The following ERC1 variants were observed in gnomAD, a reference collection of about 807,000 sequenced individuals.
ERC1 encodes the protein RAB6 interacting protein 2.
ERC1 carries 56 observed loss-of-function variants against 132.0 expected under a neutral mutation model. The ratio of observed to expected loss-of-function variants is 0.42; its 90% CI spans 0.34 to 0.53. The LOEUF (loss-of-function observed/expected upper bound fraction) is 0.53. ERC1 is among the 20% of genes least tolerant of loss of function. The probability of loss-of-function intolerance (pLI) is 0.03; values close to 1 mark genes in which losing one functional copy is unlikely to be tolerated. For synonymous variants in ERC1, 478 were observed against 476.1 expected (o/e 1.00, Z -0.05); for missense variants, 1,202 against 1,349.9 (o/e 0.89, Z 1.72).
At chr12:1,100,947 G>A (rs183705245) in intron 3 of ERC1, among the ~76,000 whole-genome samples, 7 of 152,176 alleles carry the variant, frequency 4.6e-5, no homozygotes, top group Admixed American at 4.6e-4. Context: ...AAAAGCTTAG[G>A]GTAAGATAGG....
At chr12:1,184,723 C>G (rs1369049239) in intron 11 of ERC1, among the ~76,000 whole-genome samples, 1 of 152,156 alleles carries the variant, frequency 6.6e-6, no homozygotes, top group African/African-American at 2.4e-5. Context: ...GATTGAAACT[C>G]AACTTTTGAG....
intron 15 of ERC1, among the ~76,000 whole-genome samples, chr12:1,355,096 G>T (rs2085395180): frequency 6.6e-6 from 1 of 152,170 alleles, no homozygotes; most frequent in South Asian, 2.1e-4. Context: ...TCAGGGGCCA[G>T]ATTGTAAACT....
chr12:1,369,896 G>A (rs1384889294), intron 15 of ERC1, among the ~76,000 whole-genome samples: 1 of 151,900 alleles, frequency 6.6e-6, no homozygotes, highest in African/African-American at 2.4e-5. Context: ...TCTTCTATTT[G>A]TTAGTATTGC....
At chr12:993,727 C>T (rs1395486491) in intron 1 of ERC1, among the ~76,000 whole-genome samples, 1 of 152,068 alleles carries the variant, frequency 6.6e-6, no homozygotes, top group Non-Finnish European at 1.5e-5. Context: ...CATGGTGAAA[C>T]CCTGTCTCTA....
intron 2 of ERC1, among the ~76,000 whole-genome samples, chr12:1,080,164 C>A (rs1565924240): frequency 6.6e-6 from 1 of 151,994 alleles, no homozygotes; most frequent in Non-Finnish European, 1.5e-5. Context: ...TAAAATTTAC[C>A]ATCTTAACCA....
At chr12:1,447,840 G>A (rs1487884215) in intron 18 of ERC1, among the ~76,000 whole-genome samples, 1 of 152,026 alleles carries the variant, frequency 6.6e-6, no homozygotes, top group African/African-American at 2.4e-5. Flanking sequence ...AGTAGAGATG[G>A]GGTTTCACCA....
At chr12:1,026,054 C>T (rs1441803457) in intron 1 of ERC1, among the ~76,000 whole-genome samples, 5 of 152,082 alleles carry the variant, frequency 3.3e-5, no homozygotes, top group Non-Finnish European at 7.4e-5. Context: ...CCTTGGTCTC[C>T]CAAATTGCTG....
At chr12:1,312,433 C>T (rs1010864844) in intron 15 of ERC1, among the ~76,000 whole-genome samples, 4 of 152,074 alleles carry the variant, frequency 2.6e-5, no homozygotes, top group Non-Finnish European at 4.4e-5. Context: ...GGGATCTCGG[C>T]TCACTGCAAC....
intron 15 of ERC1, among the ~76,000 whole-genome samples, chr12:1,332,602 G>A (rs1202065964): frequency 6.6e-6 from 1 of 152,206 alleles, no homozygotes; most frequent in Non-Finnish European, 1.5e-5. Context: ...GGCAGAACCT[G>A]TCCACTGGTA....
intron 15 of ERC1, among the ~76,000 whole-genome samples, chr12:1,346,538 TTTCATTTCTAGGAGAAC>T (rs1282027381): frequency 6.6e-6 from 1 of 152,204 alleles, no homozygotes; most frequent in East Asian, 1.9e-4. Context: ...CTGACAAACC[TTTCATTTCTAGGAGAAC>T]AACTGATTGA....
At chr12:1,294,956 G>A (rs2079800841) in intron 15 of ERC1, among the ~76,000 whole-genome samples, 1 of 152,146 alleles carries the variant, frequency 6.6e-6, no homozygotes. Flanking sequence ...TTAATCATAA[G>A]CTTTTCTTCC....
chr12:1,333,553 G>A (rs919156019), intron 15 of ERC1, among the ~76,000 whole-genome samples: 3 of 151,876 alleles, frequency 2.0e-5, no homozygotes, highest in South Asian at 2.1e-4. Flanking sequence ...CGGTGGTCTC[G>A]ATCTCCTGAC....
chr12:1,418,581 CTTTCTTTCTCTTTCTTTCTTTCTT>C (rs1436602161), intron 17 of ERC1, among the ~76,000 whole-genome samples: 2 of 102,228 alleles, frequency 2.0e-5, no homozygotes, highest in Non-Finnish European at 4.5e-5. Flanking sequence ...TTCTTTCTTT[CTTTCTTTCTCTTTCTTTCTTTCTT>C]TCTTTCTTTC....
chr12:1,422,563 T>C (rs1346076663), intron 17 of ERC1, among the ~76,000 whole-genome samples: 2 of 152,192 alleles, frequency 1.3e-5, no homozygotes, highest in Non-Finnish European at 2.9e-5. Flanking sequence ...TAGCATTGCA[T>C]TGTATAGATA....
chr12:1,187,856 G>A (rs747895683), intron 11 of ERC1, among the ~76,000 whole-genome samples: 15 of 152,136 alleles, frequency 9.9e-5, no homozygotes, highest in Non-Finnish European at 2.2e-4. Flanking sequence ...TAAGAAGATA[G>A]ACACTTAAAA....
intron 2 of ERC1, among the ~76,000 whole-genome samples, chr12:1,031,217 C>G (rs1008624408): frequency 1.3e-5 from 2 of 152,120 alleles, no homozygotes; most frequent in Non-Finnish European, 2.9e-5. Flanking sequence ...GATATGAAAG[C>G]AAAATATATT....
At chr12:1,125,556 C>T (rs1339603157) in intron 7 of ERC1, among the ~76,000 whole-genome samples, 1 of 152,128 alleles carries the variant, frequency 6.6e-6, no homozygotes. Context: ...TGGCTCACGC[C>T]TATAATCCCA....
At chr12:1,338,171 G>A (rs950061237) in intron 15 of ERC1, among the ~76,000 whole-genome samples, 2 of 152,146 alleles carry the variant, frequency 1.3e-5, no homozygotes, top group African/African-American at 4.8e-5. Context: ...AGGGATACCA[G>A]TCATTCATAG....
At chr12:1,231,800 C>A (rs1285229005) in intron 12 of ERC1, among the ~76,000 whole-genome samples, 1 of 152,026 alleles carries the variant, frequency 6.6e-6, no homozygotes, top group African/African-American at 2.4e-5. Context: ...AGTGCAGTGG[C>A]ATGTTCTTGG....
Sources: allele counts gnomAD v4.1 joint callset (sites outside exome capture counted in the v4.1 genomes callset), GRCh38; gene constraint gnomAD v4.1.1; transcripts MANE v1.5; gene names NCBI Gene and HGNC (gene_info 2026-07-23, HGNC 2026-07-21).